ACHE: variants seen among roughly 807,000 people sequenced by gnomAD.
ACHE encodes acetylcholinesterase.
ACHE carries 19 observed loss-of-function variants against 53.9 expected under a neutral mutation model. The ratio of observed to expected loss-of-function variants is 0.35; its 90% confidence interval spans 0.25 to 0.52. The LOEUF (loss-of-function observed/expected upper bound fraction) is 0.52. ACHE is among the 20% of genes least tolerant of loss of function. The pLI, the probability that ACHE is intolerant of heterozygous loss-of-function variation, is 0.95. For synonymous variants in ACHE, 392 were observed against 378.1 expected, an observed-to-expected ratio of 1.04 and a Z score of -0.43; for missense variants, 605 against 849.4, an observed-to-expected ratio of 0.71 and a Z score of 3.58.
chr7:100,893,855 G>A lies in ACHE; in HGVS notation c.378C>T (p.Asp126=). The change falls in exon 2 of 5, where the codon GAC becomes GAT. Residue 126 remains aspartate (D), a synonymous_variant. Transcript: ENST00000241069. Reference sequence around the variant, plus strand: ...GTGTCCACACGTTGAGGTACAGGCAGTCCTCGCTCAGCTCACGGTTGGGGT... The same window carrying A: ...GTGTCCACACGTTGAGGTACAGGCAATCCTCGCTCAGCTCACGGTTGGGGT... ...MWNPNRELSE[D]CLYLNVWTPY... is the part of the protein sequence containing the mutation. 6.2e-7 allele frequency: 1 copy of A among 1,608,198 alleles called. No individual in the cohort carries two copies. The highest frequency in any genetic ancestry group is 1.1e-5 in the South Asian group (1 of 90,556).
chr7:100,891,595 C>T (rs1023217324), intron 3 of ACHE, among the ~76,000 whole-genome samples: 1 of 152,140 alleles, frequency 6.6e-6, no homozygotes, highest in Non-Finnish European at 1.5e-5. Flanking sequence ...TTGAGACTTT[C>T]CTAAATAACC....
At chr7:100,895,575 C>A (rs1312854931) in intron 1 of ACHE, among the ~76,000 whole-genome samples, 1 of 152,164 alleles carries the variant, frequency 6.6e-6, no homozygotes, top group Non-Finnish European at 1.5e-5. Context: ...GGAATCGGAG[C>A]GCAGAGGCGG....
chr7:100,890,838 GTC>G (rs1207806282), intron 4 of ACHE: 6 of 1,422,922 alleles, frequency 4.2e-6, no homozygotes, highest in Non-Finnish European at 5.5e-6. Context: ...TCCAGTGTGA[GTC>G]TCTCGGTTTG....
rs1349152393 is a variant in ACHE, at chr7:100,892,648, G to A, written c.1239C>T (p.Tyr413=). The change falls in exon 3 of 5, where the codon TAC becomes TAT. Residue 413 remains tyrosine, a synonymous_variant. Coordinates refer to ENST00000241069, the MANE Select transcript of ACHE (RefSeq NM_000665.5). This position sits in a 1 kb window ranked among gnomAD's most constrained non-coding sequence, Gnocchi z 5.2. ...GGTCCTCGGGATGCAGCCAGTCTGT[G>A]TAATGCAGGACCACAGCCTCGGCTG... The part of the protein sequence containing the change: ...DLAAEAVVLH[Y]TDWLHPEDPA... 8.1e-6 allele frequency: 13 copies of A among 1,613,490 alleles called. No homozygotes were observed. Among genetic ancestry groups the A allele is most frequent in the Non-Finnish European group, 1.1e-5 (13 of 1,179,956 alleles).
chr7:100,890,977 G>GAGAGGA, intron 4 of ACHE, 192 bp downstream of exon 4: 1 of 1,463,818 alleles, frequency 6.8e-7, no homozygotes, highest in Non-Finnish European at 9.0e-7. Flanking sequence ...CCGGAGGTGG[G>GAGAGGA]AGAGGAAGAG....
At chr7:100,890,732 T>C (rs1790625687) in intron 4 of ACHE, 2 of 1,334,004 alleles carry the variant, frequency 1.5e-6, no homozygotes, top group African/African-American at 1.5e-5. Flanking sequence ...AAGATAATTT[T>C]ATAAAAGAAT....
Position 100,890,196 on chromosome 7 carries a change from A to G in ACHE, c.*18T>C. ...TAGGGGGCCGGGCGGAGCGGAGGAC[A>G]TGGGGGTCCCGCCGGGGTCACAGGT... On this transcript the variant is annotated 3_prime_UTR_variant, in exon 5 of 5. Transcript: ENST00000241069. 6.2e-7 allele frequency: 1 copy of G among 1,613,288 alleles called. No homozygotes were observed. Among genetic ancestry groups the G allele is most frequent in the East Asian group, 2.2e-5 (1 of 44,866 alleles).
chr7:100,892,222 C>G lies in ACHE; in HGVS notation c.1553+112G>C. On this transcript the variant is annotated intron_variant, in intron 3 of 4. Coordinates refer to ENST00000241069, the MANE Select transcript of ACHE (RefSeq NM_000665.5). This position sits in a 1 kb window ranked among gnomAD's most constrained non-coding sequence, Gnocchi z 5.2. ...GTGAGCATATCCCTCTCTGGCTGTT[C>G]TATCCTGCCCCTGTCCCACCCGTCC... 1.5e-6 allele frequency: 2 copies of G among 1,342,424 alleles called. No homozygotes were observed. Among genetic ancestry groups the G allele is most frequent in the Non-Finnish European group, 1.9e-6 (2 of 1,027,920 alleles). The allele number at this position is 1,342,424 out of a possible 1,614,324, so 83.2% of individuals were successfully genotyped here. A position where few individuals can be genotyped will look rare whatever the true frequency, so the allele number is the denominator to read the frequency against.
chr7:100,895,159 G>C (rs976207458), intron 1 of ACHE, among the ~76,000 whole-genome samples: 1 of 152,060 alleles, frequency 6.6e-6, no homozygotes, highest in African/African-American at 2.4e-5. Flanking sequence ...CAGCTGCTAC[G>C]GTTCCGGCAT....
rs761506155 is a variant in ACHE at position 100,892,513 on chromosome 7, G to C, written c.1374C>G (p.Ala458=). 1.2e-6 allele frequency: 2 copies of C among 1,604,182 alleles called. No individual in the cohort carries two copies. The highest frequency in any genetic ancestry group is 2.2e-5 in the South Asian group (2 of 90,666). Residue 458 remains alanine, a synonymous_variant, in exon 3 of 5, where the codon GCC becomes GCG. Coordinates refer to ENST00000241069, the MANE Select transcript of ACHE (RefSeq NM_000665.5). This position sits in a 1 kb window ranked among gnomAD's most constrained non-coding sequence, Gnocchi z 5.2. ...TGGAAGCACGGTGTTCAAAGACGTA[G>C]GCGTAGACCCGGGCACCCTGGGCAG... ...RLAAQGARVY[A]YVFEHRASTL... is the part of the protein sequence containing the mutation.
chr7:100,891,156 G>T lies in ACHE; in HGVS notation c.1723+13C>A. On this transcript the variant is annotated intron_variant, in intron 4 of 4. Coordinates refer to ENST00000241069, the MANE Select transcript of ACHE (RefSeq NM_000665.5). ...CCCCTCCTCCCAGCCGCTGCCCGCT[G>T]GCCCCTGCATACCGGTGGCGCTGAG... 1 of 1,594,458 alleles carries T rather than the reference G, an allele frequency of 6.3e-7. No homozygotes were observed. The highest frequency in any genetic ancestry group is 8.5e-7 in the Non-Finnish European group (1 of 1,171,584).
chr7:100,895,131 G>A (rs1318419697), intron 1 of ACHE, among the ~76,000 whole-genome samples: 1 of 152,134 alleles, frequency 6.6e-6, no homozygotes, highest in Non-Finnish European at 1.5e-5. Flanking sequence ...AGGGGCGGGG[G>A]CGCTATTTTG....
Position 100,893,711 on chromosome 7 carries a change from C to T in ACHE, c.522G>A (p.Arg174=), listed in dbSNP as rs777659754. The T allele has an allele frequency of 6.2e-7, 1 of 1,613,506 alleles. No individual in the cohort carries two copies. Among genetic ancestry groups the T allele is most frequent in the South Asian group, 1.1e-5 (1 of 91,088 alleles). Residue 174 remains arginine, a synonymous_variant, in exon 2 of 5, where the codon AGG becomes AGA. Coordinates refer to ENST00000241069, the MANE Select transcript of ACHE (RefSeq NM_000665.5). ...YDGRFLVQAE[R]TVLVSMNYRV... is the part of the protein sequence containing the mutation. Reference sequence around the variant, plus strand: ...GGTAGTTCATGGACACCAGCACAGTCCTCTCGGCCTGTACCAAGAAGCGGC... The same window carrying T: ...GGTAGTTCATGGACACCAGCACAGTTCTCTCGGCCTGTACCAAGAAGCGGC...
chr7:100,896,170 G>C (rs1279244262), upstream of ACHE: 2 of 152,332 alleles, frequency 1.3e-5, no homozygotes, highest in Non-Finnish European at 2.9e-5. Context: ...AGCCCGTGGA[G>C]ACAGACACGC....
intron 1 of ACHE, among the ~76,000 whole-genome samples, chr7:100,895,206 TC>T (rs1269526758): frequency 6.6e-6 from 1 of 151,018 alleles, no homozygotes; most frequent in African/African-American, 2.4e-5. Context: ...GGGTGGGAAC[TC>T]CCCCCTCTCC....
chr7:100,890,695 C>T, intron 4 of ACHE: 1 of 1,322,792 alleles, frequency 7.6e-7, no homozygotes. Context: ...CCTCCCACTT[C>T]CCCCCAATGT....
rs143172740 is a variant in ACHE at position 100,894,016 on chromosome 7, T to C, written c.217A>G (p.Met73Val). Reference sequence around the variant, plus strand: ...GGTGGCAGAAAGCGACGGGGTCCCATGGGTGGCTCCGCAAAGGGGATGCCC... The same window carrying C: ...GGTGGCAGAAAGCGACGGGGTCCCACGGGTGGCTCCGCAAAGGGGATGCCC... ...FLGIPFAEPP[M>V]GPRRFLPPEP... The change falls in exon 2 of 5, where the codon ATG (methionine) becomes GTG (valine). Residue 73 changes from methionine to valine, a missense_variant. This residue lies in a region of ACHE where 397 missense variants were observed against 632.5 expected (regional missense o/e 0.63). Transcript: ENST00000241069. 56 of 1,610,322 alleles carry C rather than the reference T, an allele frequency of 3.5e-5. No individual in the cohort carries two copies. Among genetic ancestry groups the C allele is most frequent in the Non-Finnish European group, 4.7e-5 (55 of 1,178,278 alleles).
chr7:100,890,120 T>A lies in ACHE; in HGVS notation c.*94A>T, dbSNP rs1790571808. On this transcript the variant is annotated 3_prime_UTR_variant, in exon 5 of 5. Transcript: ENST00000241069. ...GGGTGGGGTGGGGATGGGCAGAGTC[T>A]GGGGCTCGTCTGTGTTATAGCCCAG... is the stretch of plus-strand genomic sequence containing the variant. The A allele has an allele frequency of 6.7e-7, 1 of 1,498,718 alleles. No homozygotes were observed. The allele number at this position is 1,498,718 out of a possible 1,614,324, so 92.8% of individuals were successfully genotyped here. A position where few individuals can be genotyped will look rare whatever the true frequency, so the allele number is the denominator to read the frequency against.
chr7:100,890,635 G>A (rs933928569), intron 4 of ACHE: 1 of 1,384,476 alleles, frequency 7.2e-7, no homozygotes, highest in East Asian at 2.7e-5. Context: ...AGAAGAGACA[G>A]AAATGGTTGA....
Sources: gnomAD v4.1 joint callset for allele counts (sites outside exome capture counted in the v4.1 genomes callset) on GRCh38, gnomAD v4.1.1 for gene constraint, gnomAD v4.1.1 regional missense constraint, Gnocchi (gnomAD v3.1) non-coding constraint, MANE v1.5 for transcripts, NCBI Gene and HGNC (gene_info 2026-07-23, HGNC 2026-07-21) for gene names.